PACRG: variants seen among roughly 807,000 people sequenced by gnomAD.
PACRG encodes parkin coregulated gene protein.
Under a neutral mutation model 29.7 loss-of-function variants are expected in PACRG, and 29 were observed. That is an observed-to-expected ratio of 0.98 (90% CI 0.73 to 1.33). PACRG has a LOEUF of 1.33. PACRG is among the 40% of genes most tolerant of loss of function. PACRG has a pLI of 0.00. For synonymous variants in PACRG, 116 were observed against 118.7 expected (o/e 0.98, Z 0.15); for missense variants, 279 against 316.2 (o/e 0.88, Z 0.89).
chr6:162,864,288 A>G (rs1322215585), intron 2 of PACRG, among the ~76,000 whole-genome samples: 3 of 152,216 alleles, frequency 2.0e-5, no homozygotes, highest in African/African-American at 4.8e-5. Flanking sequence ...ACAATTTGAC[A>G]TGAAAGATAT....
intron 2 of PACRG, among the ~76,000 whole-genome samples, chr6:163,034,057 T>A (rs1203008807): frequency 6.6e-6 from 1 of 152,190 alleles, no homozygotes; most frequent in East Asian, 1.9e-4. Flanking sequence ...TACCATTCAT[T>A]CAACCAGTTT....
chr6:162,860,101 A>G (rs1311926930), intron 2 of PACRG, among the ~76,000 whole-genome samples: 2 of 152,140 alleles, frequency 1.3e-5, no homozygotes, highest in South Asian at 2.1e-4. Context: ...AGACACAAAA[A>G]AAGACTAGTT....
chr6:162,941,870 A>G (rs2128119785), intron 2 of PACRG, among the ~76,000 whole-genome samples: 1 of 152,316 alleles, frequency 6.6e-6, no homozygotes, highest in African/African-American at 2.4e-5. Flanking sequence ...TTTGAACTTT[A>G]AAAGAAAAAA....
At chr6:162,921,274 C>CG in intron 2 of PACRG, among the ~76,000 whole-genome samples, 1 of 152,156 alleles carries the variant, frequency 6.6e-6, no homozygotes, top group East Asian at 1.9e-4. Context: ...GCTAGAAGAC[C>CG]GGGGGGAGCA....
At chr6:163,067,599 A>T (rs1811671816) in intron 3 of PACRG, among the ~76,000 whole-genome samples, 1 of 152,216 alleles carries the variant, frequency 6.6e-6, no homozygotes, top group South Asian at 2.1e-4. Context: ...AAAAAAATAG[A>T]AATACAACAA....
chr6:163,312,826 C>T (rs376142356), intron 4 of PACRG: 27 of 429,406 alleles, frequency 6.3e-5, no homozygotes, highest in East Asian at 5.6e-4. Context: ...GATCATGGCT[C>T]GTTGCAACCT....
intron 2 of PACRG, among the ~76,000 whole-genome samples, chr6:162,873,276 T>C (rs901669161): frequency 6.6e-5 from 10 of 151,908 alleles, no homozygotes; most frequent in Non-Finnish European, 1.2e-4. Flanking sequence ...CCTCAGTACC[T>C]ACAATAGTGC....
chr6:162,734,957 T>C (rs1780051131), intron 1 of PACRG, among the ~76,000 whole-genome samples: 1 of 152,216 alleles, frequency 6.6e-6, no homozygotes, highest in Admixed American at 6.5e-5. Flanking sequence ...GTTTCACCTG[T>C]TTTTGTACTT....
intron 4 of PACRG, among the ~76,000 whole-genome samples, chr6:163,209,238 C>G (rs1174808563): frequency 6.6e-6 from 1 of 152,184 alleles, no homozygotes. Context: ...CCAAATTTCT[C>G]AGTAGCCTTA....
At chr6:162,779,917 T>A (rs1783961439) in intron 1 of PACRG, among the ~76,000 whole-genome samples, 1 of 152,188 alleles carries the variant, frequency 6.6e-6, no homozygotes, top group Non-Finnish European at 1.5e-5. Flanking sequence ...TACAATTGCC[T>A]CAACTTACTG....
At position 162,891,333 on chromosome 6, in the gene PACRG, C is replaced by G. The variant is rs1325066756; in HGVS notation, c.291+77052C>G. ...GTTGAGGCACTAAGTAGAAGGAAAACCCTTAGGGAAGGTTGGCTCTAAAGA... is the reference window on the plus strand; with the variant it reads ...GTTGAGGCACTAAGTAGAAGGAAAAGCCTTAGGGAAGGTTGGCTCTAAAGA... On this transcript the variant is annotated intron_variant, in intron 2 of 4. Transcript: ENST00000366888. Among the ~76,000 whole-genome samples the G allele has an allele frequency of 6.6e-5, 10 of 152,252 alleles. No homozygotes were observed. In the South Asian group the frequency reaches 1.7e-3, roughly 25 times the overall value.
chr6:163,258,217 A>G (rs1170991226), intron 4 of PACRG, among the ~76,000 whole-genome samples: 1 of 152,140 alleles, frequency 6.6e-6, no homozygotes, highest in Admixed American at 6.5e-5. Flanking sequence ...ATATTTTAAT[A>G]TTTTTGGAAC....
chr6:163,232,845 G>T (rs1782098632), intron 4 of PACRG, among the ~76,000 whole-genome samples: 1 of 152,126 alleles, frequency 6.6e-6, no homozygotes, highest in Admixed American at 6.5e-5. Flanking sequence ...CCAGGAGGAG[G>T]CCCTGGCCCT....
At chr6:163,123,650 T>G (rs918257495) in intron 4 of PACRG, among the ~76,000 whole-genome samples, 2 of 152,208 alleles carry the variant, frequency 1.3e-5, no homozygotes, top group Middle Eastern at 3.2e-3. Context: ...GAACAGCAAC[T>G]CTGCATATGC....
At chr6:162,871,231 TAA>T (rs1792778119) in intron 2 of PACRG, among the ~76,000 whole-genome samples, 1 of 152,222 alleles carries the variant, frequency 6.6e-6, no homozygotes, top group African/African-American at 2.4e-5. Context: ...TTATTTTTAT[TAA>T]GTTTGATAAA....
At chr6:162,934,658 C>G (rs1327341928) in intron 2 of PACRG, among the ~76,000 whole-genome samples, 1 of 151,962 alleles carries the variant, frequency 6.6e-6, no homozygotes, top group East Asian at 1.9e-4. Context: ...TCCTTTGTTT[C>G]TTTCTTCCTC....
intron 2 of PACRG, among the ~76,000 whole-genome samples, chr6:163,008,027 CTTA>C (rs1230908029): frequency 6.6e-6 from 1 of 152,112 alleles, no homozygotes; most frequent in Non-Finnish European, 1.5e-5. Context: ...ATAGAATATT[CTTA>C]TTGTTGTTGT....
chr6:162,815,061 G>T (rs892360746), intron 2 of PACRG, among the ~76,000 whole-genome samples: 2 of 152,060 alleles, frequency 1.3e-5, no homozygotes, highest in African/African-American at 4.8e-5. Flanking sequence ...AATTATTGTT[G>T]TTATCAAAGA....
chr6:163,033,019 C>T (rs948255750), intron 2 of PACRG, among the ~76,000 whole-genome samples: 12 of 152,192 alleles, frequency 7.9e-5, no homozygotes, highest in Non-Finnish European at 1.3e-4. Flanking sequence ...CCTTCCATAA[C>T]TTGCTTAAGC....
Sources: allele counts gnomAD v4.1 joint callset (sites outside exome capture counted in the v4.1 genomes callset), GRCh38; gene constraint gnomAD v4.1.1; transcripts MANE v1.5; gene names NCBI Gene and HGNC (gene_info 2026-07-23, HGNC 2026-07-21).